The following IKZF3 variants were observed in gnomAD, a reference collection of about 807,000 sequenced individuals.
IKZF3 encodes zinc finger protein Aiolos.
IKZF3 carries 10 observed loss-of-function variants against 49.0 expected under a neutral mutation model. The ratio of observed to expected loss-of-function variants is 0.20; its 90% CI spans 0.13 to 0.35. The LOEUF (loss-of-function observed/expected upper bound fraction) is 0.35, where lower values mean the gene tolerates loss of function less well. Ranked by LOEUF, IKZF3 falls within the 10% of genes least tolerant of loss-of-function variation. IKZF3 has a pLI of 1.00. For missense variants in IKZF3, 498 were observed against 664.8 expected, an observed-to-expected ratio of 0.75 and a Z score of 2.76; for synonymous variants, 209 against 228.2, an observed-to-expected ratio of 0.92 and a Z score of 0.76.
rs771541635 is a variant in IKZF3, at chr17:39,765,739, G to A, written c.*51C>T. On this transcript the variant is annotated 3_prime_UTR_variant, in exon 8 of 8. Coordinates refer to ENST00000346872, the MANE Select transcript of IKZF3 (RefSeq NM_012481.5). ...AGCAATCTGTTAGGCGAGGTCATTG[G>A]TTTTTAGAAACGATGCTGAATACAT... The A allele has an allele frequency of 7.1e-7, 1 of 1,412,530 alleles. No homozygotes were observed. Among genetic ancestry groups the A allele is most frequent in the South Asian group, 1.3e-5 (1 of 75,454 alleles). 87.5% of individuals were successfully genotyped at this position (1,412,530 alleles called of 1,614,324 possible).
intron 7 of IKZF3, among the ~76,000 whole-genome samples, chr17:39,768,872 T>C (rs1283934721): frequency 6.6e-6 from 1 of 152,130 alleles, no homozygotes; most frequent in African/African-American, 2.4e-5. Flanking sequence ...ATAAAGACAA[T>C]GAAACAGAGC....
At chr17:39,834,912 C>T (rs1394270296) in intron 1 of IKZF3, 2 of 346,918 alleles carry the variant, frequency 5.8e-6, no homozygotes, top group Non-Finnish European at 1.1e-5. Context: ...CCTCCACAGG[C>T]TCTGGAGAAG....
intron 7 of IKZF3, among the ~76,000 whole-genome samples, chr17:39,773,450 G>T (rs1307790532): frequency 6.6e-6 from 1 of 152,202 alleles, no homozygotes; most frequent in Non-Finnish European, 1.5e-5. Flanking sequence ...GCTTCCTGTT[G>T]CTGTTAACCA....
intron 3 of IKZF3, among the ~76,000 whole-genome samples, chr17:39,804,217 C>T (rs2061386124): frequency 1.3e-5 from 2 of 152,056 alleles, no homozygotes; most frequent in Non-Finnish European, 2.9e-5. Flanking sequence ...GAGGCCAAGG[C>T]GGGCAGATTA....
intron 1 of IKZF3, among the ~76,000 whole-genome samples, chr17:39,844,533 T>G (rs1466844033): frequency 6.6e-6 from 1 of 152,228 alleles, no homozygotes; most frequent in African/African-American, 2.4e-5. Context: ...AATGTCATCT[T>G]CCATTGTCAT....
At chr17:39,850,524 CA>C (rs1568063720) in intron 1 of IKZF3, among the ~76,000 whole-genome samples, 1,170 of 33,974 alleles carry the variant, frequency 0.034, 32 homozygotes, top group Non-Finnish European at 0.052. Context: ...GCATATTATA[CA>C]TATTATACAT....
In IKZF3 at chr17:39,792,763, T is replaced by G. The variant is rs955519864; in HGVS notation, c.334A>C (p.Arg112=). 1 of 1,614,192 alleles carries G rather than the reference T, an allele frequency of 6.2e-7. No homozygotes were observed. Among genetic ancestry groups the G allele is most frequent in the Non-Finnish European group, 8.5e-7 (1 of 1,179,986 alleles). Residue 112 remains arginine (R), a synonymous_variant, in exon 4 of 8, where the codon AGG becomes CGG. Coordinates refer to ENST00000346872, the MANE Select transcript of IKZF3 (RefSeq NM_012481.5). The part of the protein sequence containing the change: ...ERHVVSFDSS[R]PTSGKMNCDV... Reference sequence around the variant, plus strand: ...CAGTTCATCTTTCCACTGGTTGGCCTGCTACTATCGAATGAGACAACATGT... The same window carrying G: ...CAGTTCATCTTTCCACTGGTTGGCCGGCTACTATCGAATGAGACAACATGT...
chr17:39,823,108 A>G (rs2061854407), intron 3 of IKZF3, among the ~76,000 whole-genome samples: 1 of 152,200 alleles, frequency 6.6e-6, no homozygotes, highest in African/African-American at 2.4e-5. Context: ...GATGTGGGAA[A>G]GCTTGGAACT....
chr17:39,789,585 G>A (rs2060962099), intron 5 of IKZF3, among the ~76,000 whole-genome samples: 3 of 150,930 alleles, frequency 2.0e-5, no homozygotes, highest in South Asian at 2.1e-4. Context: ...AAAATTAGCC[G>A]GGCGTCGTGG....
chr17:39,822,722 A>T (rs1197007375), intron 3 of IKZF3, among the ~76,000 whole-genome samples: 2 of 151,610 alleles, frequency 1.3e-5, no homozygotes, highest in Non-Finnish European at 2.9e-5. Context: ...AGCTGGAACT[A>T]CAGGTGCCCA....
chr17:39,788,553 T>C (rs1406085958), intron 5 of IKZF3, among the ~76,000 whole-genome samples, 179 bp from the exon 6 acceptor site: 1 of 152,222 alleles, frequency 6.6e-6, no homozygotes, highest in Non-Finnish European at 1.5e-5. Context: ...TGGTCTATGA[T>C]TAATTATTAC....
intron 1 of IKZF3, among the ~76,000 whole-genome samples, chr17:39,857,909 A>C (rs2063108386): frequency 6.6e-6 from 1 of 151,328 alleles, no homozygotes; most frequent in Non-Finnish European, 1.5e-5. Context: ...GGATCGCTTG[A>C]GCCCAGGAGT....
chr17:39,807,544 A>ATTTTTTTTTTTTTTTT (rs890371023), intron 3 of IKZF3, among the ~76,000 whole-genome samples: 1 of 80,782 alleles, frequency 1.2e-5, no homozygotes. Context: ...GACTATTTAA[A>ATTTTTTTTTTTTTTTT]TTTTTTTTTT....
chr17:39,791,567 C>G lies in IKZF3; in HGVS notation c.441G>C (p.Gln147His). 1 of 1,613,974 alleles carries G rather than the reference C, an allele frequency of 6.2e-7. No homozygotes were observed. The highest frequency in any genetic ancestry group is 1.1e-5 in the South Asian group (1 of 91,078). ...TAAAAGATGCCCCACACTGATTACA[C>G]TGGAATGGGCGTTCACCTTTAAAAA... Reference protein sequence around the residue: ...KRSHTGERPFQCNQCGASFTQ... With the variant: ...KRSHTGERPFHCNQCGASFTQ... The change falls in exon 5 of 8, where the codon CAG becomes CAC. Residue 147 changes from glutamine (Q) to histidine (H), a missense_variant. Coordinates refer to ENST00000346872, the MANE Select transcript of IKZF3 (RefSeq NM_012481.5).
intron 7 of IKZF3, 141 bp downstream of exon 7, chr17:39,777,508 ACC>A: frequency 1.7e-6 from 1 of 582,752 alleles, no homozygotes; most frequent in Non-Finnish European, 3.0e-6. Flanking sequence ...ATCAGAATGA[ACC>A]ATGAAGAATA....
rs398041675 is a variant in IKZF3 at position 39,780,243 on chromosome 17, T to TA, written c.710-2477dup. The stretch of plus-strand genomic sequence containing the variant: ...CTGCGTGACAGAGTGAGACTCTGTC[T>TA]AAAAAAAAAAAAAAAAGCCCCAAAG... On this transcript the variant is annotated intron_variant, in intron 6 of 7. Coordinates refer to ENST00000346872, the MANE Select transcript of IKZF3 (RefSeq NM_012481.5). Among the ~76,000 whole-genome samples, 622 of 105,654 alleles carry TA rather than the reference T, an allele frequency of 5.9e-3. 5 individuals carry two copies. The highest frequency in any genetic ancestry group is 9.4e-3 in the Admixed American group (90 of 9,618). 69.3% of individuals were successfully genotyped at this position (105,654 alleles called of 152,430 possible). A position where few individuals can be genotyped will look rare whatever the true frequency, so the allele number is the denominator to read the frequency against.
intron 3 of IKZF3, among the ~76,000 whole-genome samples, chr17:39,809,450 AG>A (rs1192059823): frequency 6.6e-6 from 1 of 152,258 alleles, no homozygotes; most frequent in Non-Finnish European, 1.5e-5. Flanking sequence ...CTGGATTACC[AG>A]GGTGCTCCTT....
chr17:39,759,182 G>C lies in IKZF3; in HGVS notation c.*6608C>G, dbSNP rs2060125292. The C allele has an allele frequency of 6.6e-6, 1 of 152,166 alleles. No homozygotes were observed. Among genetic ancestry groups the C allele is most frequent in the African/African-American group, 2.4e-5 (1 of 41,410 alleles). The allele number at this position is 152,166 out of a possible 1,614,324, so 9.4% of individuals were successfully genotyped here. ...TGTAACCCCAACACTTTGGGAGGCTGAGGTGGGCAGATTACTTGAGCCCAG... is the reference window on the plus strand; with the variant it reads ...TGTAACCCCAACACTTTGGGAGGCTCAGGTGGGCAGATTACTTGAGCCCAG... On this transcript the variant is annotated 3_prime_UTR_variant, in exon 8 of 8. Coordinates refer to ENST00000346872, the MANE Select transcript of IKZF3 (RefSeq NM_012481.5).
At position 39,763,683 on chromosome 17, in the gene IKZF3, T is replaced by C. The variant is rs2060227095; in HGVS notation, c.*2107A>G. The C allele has an allele frequency of 6.6e-6, 1 of 152,220 alleles. No homozygotes were observed. Among genetic ancestry groups the C allele is most frequent in the South Asian group, 2.1e-4 (1 of 4,830 alleles). 9.4% of individuals were successfully genotyped at this position (152,220 alleles called of 1,614,324 possible). On this transcript the variant is annotated 3_prime_UTR_variant, in exon 8 of 8. Coordinates refer to ENST00000346872, the MANE Select transcript of IKZF3 (RefSeq NM_012481.5). Reference sequence around the variant, plus strand: ...CAAAGGAATGTGAAACATGTATTCATATAAATACTCTTCTGCTTAATATCC... The same window carrying C: ...CAAAGGAATGTGAAACATGTATTCACATAAATACTCTTCTGCTTAATATCC...
Sources: gnomAD v4.1 joint callset for allele counts (sites outside exome capture counted in the v4.1 genomes callset) on GRCh38, gnomAD v4.1.1 for gene constraint, MANE v1.5 for transcripts, NCBI Gene and HGNC (gene_info 2026-07-23, HGNC 2026-07-21) for gene names.